HCN1: variants seen among roughly 807,000 people sequenced by gnomAD.
HCN1 encodes the protein hyperpolarization activated cyclic nucleotide gated potassium channel 1, also known as potassium/sodium hyperpolarization-activated cyclic nucleotide-gated channel 1.
A neutral mutation model predicts 78.9 loss-of-function variants in HCN1; 13 were observed. The ratio of observed to expected loss-of-function variants is 0.16; its 90% CI spans 0.11 to 0.26. The LOEUF is 0.26. Ranked by LOEUF, HCN1 falls within the 10% of genes least tolerant of loss-of-function variation. The pLI is 1.00. For synonymous variants in HCN1, 552 were observed against 455.5 expected, an observed-to-expected ratio of 1.21 and a Z score of -2.70; for missense variants, 810 against 1,154.3, an observed-to-expected ratio of 0.70 and a Z score of 4.32.
chr5:45,470,145 G>A (rs187450126), intron 2 of HCN1, among the ~76,000 whole-genome samples: 107 of 152,090 alleles, frequency 7.0e-4, no homozygotes, highest in Non-Finnish European at 2.7e-4. Context: ...CATTGGCACA[G>A]CATCTTGTTA....
In HCN1 at chr5:45,374,214, TTA is replaced by T. The variant is rs1424293942; in HGVS notation, c.1231-20970_1231-20969del. 1.4e-3 allele frequency among the ~76,000 whole-genome samples: 168 copies of T among 118,058 alleles called. 1 individual carries two copies. Among genetic ancestry groups the T allele is most frequent in the South Asian group, 9.1e-3 (35 of 3,864 alleles). 77.5% of individuals were successfully genotyped at this position (118,058 alleles called of 152,430 possible). ...ATACATTATATACATAACATATATA[TTA>T]TGTACATTATATACATAACATATAT... On this transcript the variant is annotated intron_variant, in intron 4 of 7. Transcript: ENST00000303230.
intron 3 of HCN1, among the ~76,000 whole-genome samples, chr5:45,416,322 A>G (rs1350321842): frequency 6.6e-6 from 1 of 151,970 alleles, no homozygotes; most frequent in Non-Finnish European, 1.5e-5. Flanking sequence ...CTTCACAATG[A>G]TATATTTATG....
chr5:45,573,474 C>A (rs546604724), intron 2 of HCN1, among the ~76,000 whole-genome samples: 1 of 119,392 alleles, frequency 8.4e-6, no homozygotes. Flanking sequence ...AACCTCCCCC[C>A]ACCCCGAAAA....
chr5:45,277,096 T>C (rs577321827), intron 6 of HCN1, among the ~76,000 whole-genome samples: 1 of 152,108 alleles, frequency 6.6e-6, no homozygotes, highest in Non-Finnish European at 1.5e-5. Context: ...AAAAACTTCG[T>C]GTGCAAAATA....
In HCN1 at chr5:45,645,624, A is replaced by C; in HGVS notation, c.426-16T>G. 6.4e-7 allele frequency: 1 copy of C among 1,562,134 alleles called. No individual in the cohort carries two copies. Among genetic ancestry groups the C allele is most frequent in the Non-Finnish European group, 8.7e-7 (1 of 1,147,102 alleles). On this transcript the variant is annotated splice_polypyrimidine_tract_variant and intron_variant, in intron 1 of 7. Coordinates refer to ENST00000303230, the MANE Select transcript of HCN1 (RefSeq NM_021072.4). Reference sequence around the variant, plus strand: ...CCAGTAAAACCTACAACAAATAAAAAAATCAGATTTTAAGATATAGAAAAT... The same window carrying C: ...CCAGTAAAACCTACAACAAATAAAACAATCAGATTTTAAGATATAGAAAAT...
intron 4 of HCN1, among the ~76,000 whole-genome samples, chr5:45,377,240 T>C (rs946964188): frequency 1.3e-5 from 2 of 152,112 alleles, no homozygotes; most frequent in African/African-American, 4.8e-5. Flanking sequence ...AGAAAAATGG[T>C]GGCAGTCGGA....
intron 3 of HCN1, among the ~76,000 whole-genome samples, chr5:45,416,067 C>A (rs1159142074): frequency 6.6e-6 from 1 of 151,932 alleles, no homozygotes; most frequent in African/African-American, 2.4e-5. Flanking sequence ...TGAAATTAAA[C>A]AGATGCCTTT....
At chr5:45,431,289 G>A (rs183493052) in intron 3 of HCN1, among the ~76,000 whole-genome samples, 1 of 152,034 alleles carries the variant, frequency 6.6e-6, no homozygotes, top group Non-Finnish European at 1.5e-5. Flanking sequence ...TTTTAATGGG[G>A]TTGTTTTTTT....
intron 1 of HCN1, among the ~76,000 whole-genome samples, chr5:45,686,767 A>G (rs549821405): frequency 2.6e-5 from 4 of 152,200 alleles, no homozygotes; most frequent in African/African-American, 9.6e-5. Flanking sequence ...ATATCCATCT[A>G]TTTGTTTTTC....
chr5:45,691,265 G>A (rs1359151070), intron 1 of HCN1, among the ~76,000 whole-genome samples: 1 of 151,926 alleles, frequency 6.6e-6, no homozygotes, highest in Non-Finnish European at 1.5e-5. Context: ...TTAGTAAAGT[G>A]TACCTCTTTA....
At chr5:45,411,782 T>A (rs1740028984) in intron 3 of HCN1, among the ~76,000 whole-genome samples, 1 of 152,068 alleles carries the variant, frequency 6.6e-6, no homozygotes, top group South Asian at 2.1e-4. Flanking sequence ...ACTCCTTCAG[T>A]AGAACTCTTA....
At chr5:45,645,820 T>C (rs920987742) in intron 1 of HCN1, among the ~76,000 whole-genome samples, 1 of 152,086 alleles carries the variant, frequency 6.6e-6, no homozygotes, top group African/African-American at 2.4e-5. Flanking sequence ...GATTATGGAA[T>C]TCTAAAAATT....
chr5:45,541,206 G>T (rs547054679), intron 2 of HCN1, among the ~76,000 whole-genome samples: 1 of 152,258 alleles, frequency 6.6e-6, no homozygotes, highest in Admixed American at 6.5e-5. Context: ...AATGATGGCA[G>T]TGTCACGTTG....
At position 45,660,512 on chromosome 5, in the gene HCN1, T is replaced by C. The variant is rs887965983; in HGVS notation, c.426-14904A>G. ...CAATTAAAAAACACAGACTGGCAAG[T>C]TGGATAAAGAGTCAAGACCCATCAG... On this transcript the variant is annotated intron_variant, in intron 1 of 7. Transcript: ENST00000303230. 2.6e-5 allele frequency among the ~76,000 whole-genome samples: 4 copies of C among 150,962 alleles called. No homozygotes were observed. The East Asian group carries it at 5.9e-4, about 22-fold the overall frequency.
chr5:45,432,379 G>A (rs1325349029), intron 3 of HCN1, among the ~76,000 whole-genome samples: 1 of 152,034 alleles, frequency 6.6e-6, no homozygotes, highest in Non-Finnish European at 1.5e-5. Flanking sequence ...TCTCTGCAAA[G>A]GGATAGTTTG....
intron 3 of HCN1, among the ~76,000 whole-genome samples, chr5:45,452,496 T>G (rs1740942133): frequency 6.6e-6 from 1 of 151,706 alleles, no homozygotes; most frequent in Non-Finnish European, 1.5e-5. Context: ...TAAAAAATGA[T>G]GGGGTATATA....
intron 5 of HCN1, among the ~76,000 whole-genome samples, chr5:45,346,667 T>G (rs1045761979): frequency 6.6e-6 from 1 of 152,162 alleles, no homozygotes; most frequent in African/African-American, 2.4e-5. Context: ...ACCCTAATAC[T>G]GCGCTTTTCT....
In HCN1 at chr5:45,262,487, C is replaced by A. The variant is rs1744766821; in HGVS notation, c.2107G>T (p.Val703Phe). ...GGGCTCTGTACAGGAGGGCTGCAGA[C>A]CGCGGTGGTGTAGGAGCAGGGTGAC... is the stretch of plus-strand genomic sequence containing the variant. ...ILSPCSYTTA[V>F]CSPPVQSPLA... is the part of the protein sequence containing the mutation. Residue 703 changes from valine to phenylalanine, a missense_variant, in exon 8 of 8, where the codon GTC (valine) becomes TTC (phenylalanine). Coordinates refer to ENST00000303230, the MANE Select transcript of HCN1 (RefSeq NM_021072.4). The A allele has an allele frequency of 6.2e-7, 1 of 1,612,912 alleles. No homozygotes were observed. The highest frequency in any genetic ancestry group is 1.3e-5 in the African/African-American group (1 of 74,664).
chr5:45,680,985 C>T (rs899713618), intron 1 of HCN1, among the ~76,000 whole-genome samples: 1 of 151,986 alleles, frequency 6.6e-6, no homozygotes, highest in Non-Finnish European at 1.5e-5. Context: ...CTTTGATAAC[C>T]TCCTTAATAT....
Sources: allele counts gnomAD v4.1 joint callset (sites outside exome capture counted in the v4.1 genomes callset), GRCh38; gene constraint gnomAD v4.1.1; transcripts MANE v1.5; gene names NCBI Gene and HGNC (gene_info 2026-07-23, HGNC 2026-07-21).